WHRN: variants seen among roughly 807,000 people sequenced by gnomAD.
The protein encoded by WHRN is CASK-interacting protein CIP98.
WHRN carries 41 observed loss-of-function variants against 68.3 expected under a neutral mutation model. The ratio of observed to expected loss-of-function variants is 0.60; its 90% confidence interval spans 0.47 to 0.78. The LOEUF (loss-of-function observed/expected upper bound fraction) is 0.78, where lower values mean the gene tolerates loss of function less well. WHRN is among the 30% of genes least tolerant of loss of function. The probability of loss-of-function intolerance (pLI) is 0.00; values close to 1 mark genes in which losing one functional copy is unlikely to be tolerated. For missense variants in WHRN, 1,243 were observed against 1,244.7 expected (o/e 1.00, Z 0.02); for synonymous variants, 560 against 561.3 (o/e 1.00, Z 0.03).
At chr9:114,433,207 G>A (rs981044359) in intron 3 of WHRN, among the ~76,000 whole-genome samples, 4 of 152,198 alleles carry the variant, frequency 2.6e-5, no homozygotes, top group African/African-American at 9.7e-5. Flanking sequence ...CACTCAGTAG[G>A]TGCTGTATTC....
At chr9:114,456,759 G>A (rs1394853587) in intron 3 of WHRN, among the ~76,000 whole-genome samples, 13 of 151,606 alleles carry the variant, frequency 8.6e-5, no homozygotes, top group Non-Finnish European at 1.6e-4. Context: ...AACCCGGGAG[G>A]TGGAGGTTGC....
At chr9:114,464,816 AATGATGATGATGATGATGATGATGATG>A (rs10523063) in intron 3 of WHRN, among the ~76,000 whole-genome samples, 2 of 144,748 alleles carry the variant, frequency 1.4e-5, no homozygotes, top group Non-Finnish European at 1.5e-5. Context: ...TTATGTCCAT[AATGATGATGATGATGATGATGATGATG>A]ATGATGATGA....
intron 3 of WHRN, among the ~76,000 whole-genome samples, chr9:114,432,225 G>A (rs7851968): frequency 0.19 from 28,575 of 152,048 alleles, 3,192 homozygotes; most frequent in Middle Eastern, 0.29. Context: ...AGAAGAGCAC[G>A]GCGGGGCTTC....
intron 2 of WHRN, among the ~76,000 whole-genome samples, chr9:114,472,659 G>A (rs1261670047): frequency 6.6e-6 from 1 of 152,108 alleles, no homozygotes; most frequent in Non-Finnish European, 1.5e-5. Flanking sequence ...CAGTGGCTAA[G>A]GTGTTGTCTG....
Position 114,504,970 on chromosome 9 carries a change from C to T in WHRN, c.-169G>A. The stretch of plus-strand genomic sequence containing the variant: ...GCTGGATCCTAGGGGGTCGCGGAGA[C>T]CGCTGCTAGAGTCCCGGAGGCGCGA... On this transcript the variant is annotated 5_prime_UTR_variant, in exon 1 of 12. Coordinates refer to ENST00000362057, the MANE Select transcript of WHRN (RefSeq NM_015404.4). 1 of 1,032,862 alleles carries T rather than the reference C, an allele frequency of 9.7e-7. No individual in the cohort carries two copies. The highest frequency in any genetic ancestry group is 1.3e-6 in the Non-Finnish European group (1 of 791,026). 64.0% of individuals were successfully genotyped at this position (1,032,862 alleles called of 1,614,324 possible).
intron 7 of WHRN, among the ~76,000 whole-genome samples, chr9:114,422,694 T>C (rs1187753078): frequency 2.6e-5 from 4 of 152,064 alleles, no homozygotes; most frequent in Non-Finnish European, 5.9e-5. Flanking sequence ...AATTAGCTGG[T>C]TATGGTGGTA....
intron 1 of WHRN, among the ~76,000 whole-genome samples, chr9:114,497,213 T>C (rs551199349): frequency 6.6e-6 from 1 of 152,304 alleles, no homozygotes; most frequent in South Asian, 2.1e-4. Context: ...GCTGATATAT[T>C]TGCTTTGCAT....
Position 114,403,940 on chromosome 9 carries a change from C to A in WHRN, c.2374G>T (p.Glu792Ter). The change falls in exon 10 of 12, where the codon GAG becomes TAG. Residue 792 changes from glutamate (E) to a stop codon, truncating the protein, a stop_gained. Transcript: ENST00000362057. LOFTEE classifies it high-confidence loss of function. ...SVSTKSRSSK[E>*]LPRNERPTDG... ...GTGGGCCTCTCGTTCCGAGGCAGCT[C>A]CTTGCTACTCCTGCTCTTGGTGGAC... 1.9e-6 allele frequency: 3 copies of A among 1,611,296 alleles called. No homozygotes were observed. The highest frequency in any genetic ancestry group is 2.5e-6 in the Non-Finnish European group (3 of 1,180,002).
At chr9:114,410,175 T>G (rs1268354104) in intron 7 of WHRN, among the ~76,000 whole-genome samples, 4 of 152,128 alleles carry the variant, frequency 2.6e-5, no homozygotes, top group Non-Finnish European at 5.9e-5. Flanking sequence ...CCCCCATCCC[T>G]GTCTATCCCG....
In WHRN at chr9:114,462,405, A is replaced by C. The variant is rs143512606; in HGVS notation, c.963+3862T>G. ...GATCTAGGAGAAGTCCTCGGAGATC[A>C]TCTAGCCCAAGTGTCCAAGCAGGGA... On this transcript the variant is annotated intron_variant, in intron 3 of 11. Coordinates refer to ENST00000362057, the MANE Select transcript of WHRN (RefSeq NM_015404.4). 7.7e-3 allele frequency among the ~76,000 whole-genome samples: 1,166 copies of C among 152,296 alleles called. 6 individuals are homozygous for C. Among genetic ancestry groups the C allele is most frequent in the African/African-American group, 0.026 (1,087 of 41,552 alleles).
chr9:114,487,949 A>G (rs1842678432), intron 1 of WHRN, among the ~76,000 whole-genome samples: 1 of 152,234 alleles, frequency 6.6e-6, no homozygotes, highest in African/African-American at 2.4e-5. Flanking sequence ...CAGTTTAGGC[A>G]GATCTTGGCT....
Position 114,424,483 on chromosome 9 carries a change from G to C in WHRN, c.1267C>G (p.Arg423Gly). Reference protein sequence around the residue: ...VTLSSLGNQTRVLLEEQARHL... With the variant: ...VTLSSLGNQTGVLLEEQARHL... ...CGAGCCTGCTCCTCCAGCAGCACTCGTGTCTGGTTCCCCAGGCTGCTCAGG... is the reference window on the plus strand; with the variant it reads ...CGAGCCTGCTCCTCCAGCAGCACTCCTGTCTGGTTCCCCAGGCTGCTCAGG... Residue 423 changes from arginine to glycine, a missense_variant, in exon 6 of 12, where the codon CGA becomes GGA. Arg to Gly is a moderately radical substitution (Grantham distance 125, BLOSUM62 -2). Transcript: ENST00000362057. The C allele has an allele frequency of 1.2e-6, 2 of 1,614,050 alleles. No homozygotes were observed. The highest frequency in any genetic ancestry group is 1.3e-5 in the African/African-American group (1 of 75,058).
intron 3 of WHRN, among the ~76,000 whole-genome samples, chr9:114,447,099 G>A (rs1209040546): frequency 6.6e-6 from 1 of 152,250 alleles, no homozygotes; most frequent in East Asian, 1.9e-4. Context: ...CAAAAATCAT[G>A]TGTTTTCTGG....
At chr9:114,441,853 C>T (rs1564158488) in intron 3 of WHRN, among the ~76,000 whole-genome samples, 1 of 152,138 alleles carries the variant, frequency 6.6e-6, no homozygotes, top group Non-Finnish European at 1.5e-5. Context: ...AGAATATTTA[C>T]AGTCTCAAAA....
intron 2 of WHRN, among the ~76,000 whole-genome samples, chr9:114,468,430 G>A (rs1190209166): frequency 6.6e-6 from 1 of 152,092 alleles, no homozygotes; most frequent in Non-Finnish European, 1.5e-5. Context: ...CCCTATCTGG[G>A]ACCACTGCTT....
At position 114,406,537 on chromosome 9, in the gene WHRN, G is replaced by A. The variant is rs1370011915; in HGVS notation, c.2054C>T (p.Ser685Leu). Residue 685 changes from serine to leucine, a missense_variant, in exon 9 of 12, where the codon TCA (serine) becomes TTA (leucine). By Grantham distance (145) the Ser-to-Leu change is moderately radical. Coordinates refer to ENST00000362057, the MANE Select transcript of WHRN (RefSeq NM_015404.4). ...HPIGPFPRVQSPPHLKSPSAE... is the reference protein window; with the variant it reads ...HPIGPFPRVQLPPHLKSPSAE... ...AGAGGGGCTTTTCAGGTGCGGGGGT[G>A]ACTGGACCCGTGGGAAGGGGCCGAT... 6 of 1,613,268 alleles carry A rather than the reference G, an allele frequency of 3.7e-6. No individual in the cohort carries two copies. In the African/African-American group the frequency reaches 6.7e-5, roughly 18 times the overall value.
At chr9:114,423,184 C>A (rs1051527431) in intron 7 of WHRN, 130 bp downstream of exon 7, 2 of 978,248 alleles carry the variant, frequency 2.0e-6, no homozygotes, top group Admixed American at 3.6e-5. Flanking sequence ...GAAACTGAGG[C>A]TCAGAGAGGC....
intron 3 of WHRN, among the ~76,000 whole-genome samples, chr9:114,434,868 A>C (rs7033284): frequency 0.98 from 149,448 of 152,252 alleles, 73,391 homozygotes; most frequent in East Asian, 1. Context: ...TGAGAGGGGC[A>C]TTAGCATCCG....
intron 3 of WHRN, among the ~76,000 whole-genome samples, chr9:114,431,488 C>T (rs1439451017): frequency 6.6e-6 from 1 of 152,206 alleles, no homozygotes; most frequent in Non-Finnish European, 1.5e-5. Flanking sequence ...GCCTATGCCA[C>T]CTTCACCCCA....
Sources: gnomAD v4.1 joint callset for allele counts (sites outside exome capture counted in the v4.1 genomes callset) on GRCh38, gnomAD v4.1.1 for gene constraint, MANE v1.5 for transcripts, NCBI Gene and HGNC (gene_info 2026-07-23, HGNC 2026-07-21) for gene names.